Variants in DNAJB6 observed in about 807,000 individuals in gnomAD.
The protein encoded by DNAJB6 is dnaJ homolog subfamily B member 6.
DNAJB6 carries 16 observed loss-of-function variants against 42.7 expected under a neutral mutation model. The observed-to-expected ratio is 0.37, with a 90% CI of 0.25 to 0.57. The LOEUF (loss-of-function observed/expected upper bound fraction) is 0.57, where lower values mean the gene tolerates loss of function less well. Among genes scored for constraint, DNAJB6 ranks in the 20% least tolerant of loss-of-function variants. DNAJB6 has a pLI of 0.74. For synonymous variants in DNAJB6, 170 were observed against 163.5 expected (o/e 1.04, Z -0.30); for missense variants, 347 against 416.8 (o/e 0.83, Z 1.46).
intron 2 of DNAJB6, among the ~76,000 whole-genome samples, chr7:157,359,484 G>T (rs1350109612): frequency 6.6e-6 from 1 of 152,144 alleles, no homozygotes; most frequent in Non-Finnish European, 1.5e-5. Flanking sequence ...GATTGCTGCG[G>T]TTATATTTGT....
At chr7:157,359,253 G>A (rs1001731623) in intron 2 of DNAJB6, among the ~76,000 whole-genome samples, 1 of 152,148 alleles carries the variant, frequency 6.6e-6, no homozygotes, top group African/African-American at 2.4e-5. Flanking sequence ...AGAGCAGTTA[G>A]CCTGGAATAG....
At chr7:157,349,055 T>A (rs999239600) in intron 1 of DNAJB6, among the ~76,000 whole-genome samples, 2 of 152,176 alleles carry the variant, frequency 1.3e-5, no homozygotes, top group Non-Finnish European at 2.9e-5. Flanking sequence ...TTTTTTTTAT[T>A]TTTTGTGTAG....
In DNAJB6 at chr7:157,367,423, C is replaced by G; in HGVS notation, c.286C>G (p.Pro96Ala). 1 of 1,613,820 alleles carries G rather than the reference C, an allele frequency of 6.2e-7. No individual in the cohort carries two copies. The highest frequency in any genetic ancestry group is 8.5e-7 in the Non-Finnish European group (1 of 1,179,732). ...PFEFGFTFRN[P>A]DDVFREFFGG... ...TGAATTTGGCTTCACATTCCGTAAC[C>G]CAGATGATGTCTTCAGGGAATTTTT... Residue 96 changes from proline to alanine, a missense_variant, in exon 5 of 10, where the codon CCA (proline) becomes GCA (alanine). This residue lies in a region of DNAJB6 where 5 missense variants were observed against 26.7 expected (regional missense o/e 0.19). Transcript: ENST00000262177.
intron 1 of DNAJB6, among the ~76,000 whole-genome samples, chr7:157,357,268 T>TTCCTTCCG (rs1297901839): frequency 2.6e-5 from 2 of 77,656 alleles, no homozygotes; most frequent in South Asian, 8.0e-4. Flanking sequence ...CCTTCCGTCC[T>TTCCTTCCG]TCCTTCCGTC....
rs893883947 is a variant in DNAJB6, at chr7:157,358,706, C to G, written c.65+69C>G. 3.2e-6 allele frequency: 4 copies of G among 1,231,014 alleles called. No individual in the cohort carries two copies. The Admixed American group carries it at 6.9e-5, about 21-fold the overall frequency. 76.3% of individuals were successfully genotyped at this position (1,231,014 alleles called of 1,614,324 possible). A position where few individuals can be genotyped will look rare whatever the true frequency, so the allele number is the denominator to read the frequency against. ...CATTGGTAATTGAGTAGTATAACTTCTTCTATTGCCTATGAAAATGGCTTT... is the reference window on the plus strand; with the variant it reads ...CATTGGTAATTGAGTAGTATAACTTGTTCTATTGCCTATGAAAATGGCTTT... On this transcript the variant is annotated intron_variant, in intron 2 of 9. Coordinates refer to ENST00000262177, the MANE Select transcript of DNAJB6 (RefSeq NM_058246.4).
chr7:157,407,901 C>T (rs922903780), intron 8 of DNAJB6, among the ~76,000 whole-genome samples: 3 of 152,160 alleles, frequency 2.0e-5, no homozygotes, highest in Non-Finnish European at 4.4e-5. Context: ...GCAACTGGGG[C>T]CTGGTCGGGC....
At chr7:157,410,883 C>A (rs1028755848) in intron 9 of DNAJB6, 1 of 152,232 alleles carries the variant, frequency 6.6e-6, no homozygotes, top group Non-Finnish European at 1.5e-5. Context: ...CTTTTCCCTT[C>A]ATGGAACTTT....
At chr7:157,380,327 G>A (rs556828782) in intron 5 of DNAJB6, 41 of 152,310 alleles carry the variant, frequency 2.7e-4, no homozygotes, top group African/African-American at 9.1e-4. Context: ...TGAATTGGAT[G>A]AAGTTTTTGT....
intron 6 of DNAJB6, 84 bp from the exon 7 acceptor site, chr7:157,384,763 ATGCCTTAACATTAAATATTC>A: frequency 8.6e-7 from 1 of 1,164,116 alleles, no homozygotes; most frequent in Middle Eastern, 2.9e-4. Flanking sequence ...CCTCGGTTCT[ATGCCTTAACATTAAATATTC>A]TGCTACTGAA....
intron 8 of DNAJB6, among the ~76,000 whole-genome samples, chr7:157,394,652 T>A (rs1801498545): frequency 6.6e-6 from 1 of 152,272 alleles, no homozygotes; most frequent in Non-Finnish European, 1.5e-5. Context: ...TTTTAATGAT[T>A]TGCTTGTCTG....
intron 1 of DNAJB6, among the ~76,000 whole-genome samples, chr7:157,356,562 T>C (rs1449011408): frequency 1.3e-5 from 2 of 152,180 alleles, no homozygotes; most frequent in Non-Finnish European, 2.9e-5. Flanking sequence ...TTGTAACTTA[T>C]TACATGAAGT....
At chr7:157,365,416 A>G (rs928863692) in intron 3 of DNAJB6, among the ~76,000 whole-genome samples, 7 of 152,266 alleles carry the variant, frequency 4.6e-5, no homozygotes, top group Non-Finnish European at 1.0e-4. Flanking sequence ...CGGGTGGTCC[A>G]CTTCGAGGGT....
chr7:157,375,645 C>T (rs753300442), intron 5 of DNAJB6, among the ~76,000 whole-genome samples: 5 of 152,144 alleles, frequency 3.3e-5, no homozygotes, highest in Admixed American at 6.5e-5. Context: ...CACTTCAGGG[C>T]GGAGCTCCGG....
chr7:157,385,392 G>A, intron 7 of DNAJB6, 149 bp from the exon 8 acceptor site: 1 of 794,438 alleles, frequency 1.3e-6, no homozygotes, highest in Non-Finnish European at 2.1e-6. Flanking sequence ...AAGATGTGTT[G>A]TTGACAGGTT....
intron 8 of DNAJB6, among the ~76,000 whole-genome samples, chr7:157,389,972 G>A (rs984404217): frequency 3.9e-5 from 6 of 152,230 alleles, no homozygotes; most frequent in Non-Finnish European, 8.8e-5. Flanking sequence ...CCTTTTCCCT[G>A]TACCCTGATT....
At chr7:157,410,232 G>C (rs909891247) in intron 9 of DNAJB6, 208 of 1,028,522 alleles carry the variant, frequency 2.0e-4, no homozygotes, top group Non-Finnish European at 2.7e-4. Context: ...CGCGTGTCCT[G>C]TACGCAGCGT....
rs554253641 is a variant in DNAJB6 at position 157,394,789 on chromosome 7, C to T, written c.691+9178C>T. On this transcript the variant is annotated intron_variant, in intron 8 of 9. Coordinates refer to ENST00000262177, the MANE Select transcript of DNAJB6 (RefSeq NM_058246.4). ...AGCAGATTTTGTCCCCGCCTCTCAG[C>T]GGAGCTTAGAACCATACAGAAAGTG... Among the ~76,000 whole-genome samples the T allele has an allele frequency of 2.8e-4, 42 of 152,140 alleles. 1 individual carries two copies. The highest frequency in any genetic ancestry group is 6.2e-4 in the South Asian group (3 of 4,820).
At chr7:157,355,937 T>TTCTCACCTCTGTGCTCACTGCC (rs1351250774) in intron 1 of DNAJB6, among the ~76,000 whole-genome samples, 3 of 152,212 alleles carry the variant, frequency 2.0e-5, no homozygotes, top group Admixed American at 2.0e-4. Flanking sequence ...CACACCCACG[T>TTCTCACCTCTGTGCTCACTGCC]TCTCACCTCT....
chr7:157,382,303 G>A lies in DNAJB6; in HGVS notation c.404G>A (p.Arg135Gln), dbSNP rs772121051. Residue 135 changes from arginine (R) to glutamine (Q), a missense_variant, in exon 6 of 10, where the codon CGA becomes CAA. Coordinates refer to ENST00000262177, the MANE Select transcript of DNAJB6 (RefSeq NM_058246.4). Reference protein sequence around the residue: ...NRRGPRGSRSRGTGSFFSAFS... With the variant: ...NRRGPRGSRSQGTGSFFSAFS... ...AGGGGTCCCCGAGGAAGCAGAAGCC[G>A]AGGGACGGGGTCGTTTTTCTCTGCG... The A allele has an allele frequency of 4.2e-5, 67 of 1,612,024 alleles. No individual in the cohort carries two copies. The highest frequency in any genetic ancestry group is 2.2e-4 in the East Asian group (10 of 44,862).
Sources: allele counts gnomAD v4.1 joint callset (sites outside exome capture counted in the v4.1 genomes callset), GRCh38; gene constraint gnomAD v4.1.1; regional missense constraint gnomAD v4.1.1; transcripts MANE v1.5; gene names NCBI Gene and HGNC (gene_info 2026-07-23, HGNC 2026-07-21).